The following MCOLN2 variants were observed in gnomAD, a reference collection of about 807,000 sequenced individuals.
MCOLN2 encodes mucolipin-2.
A neutral mutation model predicts 67.5 loss-of-function variants in MCOLN2; 57 were observed. The ratio of observed to expected loss-of-function variants is 0.84; its 90% CI spans 0.68 to 1.05. The LOEUF (loss-of-function observed/expected upper bound fraction) is 1.05, where lower values mean the gene tolerates loss of function less well. Among genes scored for constraint, MCOLN2 ranks in the 50% least tolerant of loss-of-function variants. MCOLN2 has a pLI of 0.00. For missense variants in MCOLN2, 620 were observed against 678.8 expected (o/e 0.91, Z 0.96); for synonymous variants, 246 against 233.3 (o/e 1.05, Z -0.50).
At chr1:84,972,560 C>A (rs541897) in intron 1 of MCOLN2, among the ~76,000 whole-genome samples, 53,935 of 151,970 alleles carry the variant, frequency 0.35, 9,916 homozygotes, top group African/African-American at 0.44. Flanking sequence ...TGGTAAGAAA[C>A]CAGGAGGAAG....
intron 7 of MCOLN2, among the ~76,000 whole-genome samples, chr1:84,943,947 GA>G (rs1473351602): frequency 1.3e-5 from 2 of 152,164 alleles, no homozygotes; most frequent in Non-Finnish European, 2.9e-5. Flanking sequence ...CATAATGCAA[GA>G]TTTTTTTTCC....
chr1:84,927,031 G>A (rs547734953), intron 13 of MCOLN2, among the ~76,000 whole-genome samples: 1 of 151,804 alleles, frequency 6.6e-6, no homozygotes, highest in Admixed American at 6.6e-5. Flanking sequence ...ATCGCACACG[G>A]GGAAATGTTG....
At chr1:84,965,497 A>G (rs564123833) in intron 2 of MCOLN2, 52 bp downstream of exon 2, 2 of 1,571,142 alleles carry the variant, frequency 1.3e-6, no homozygotes, top group African/African-American at 1.4e-5. Context: ...ACATGAAAAG[A>G]GTTTTGTCTT....
intron 1 of MCOLN2, among the ~76,000 whole-genome samples, chr1:84,976,293 T>TAA (rs35043276): frequency 1.3e-4 from 19 of 151,672 alleles, no homozygotes; most frequent in African/African-American, 3.9e-4. Context: ...AGCAGCAAGA[T>TAA]AAAAAAACAA....
chr1:84,984,090 C>T (rs959238491), intron 1 of MCOLN2, among the ~76,000 whole-genome samples: 1 of 152,194 alleles, frequency 6.6e-6, no homozygotes, highest in Admixed American at 6.5e-5. Flanking sequence ...CCCCAACATA[C>T]ATTTCACCTC....
intron 8 of MCOLN2, 93 bp from the exon 9 acceptor site, chr1:84,939,795 G>A: frequency 7.4e-7 from 1 of 1,358,688 alleles, no homozygotes; most frequent in Non-Finnish European, 1.0e-6. Flanking sequence ...ACCTGTAAAA[G>A]GACATGGCAT....
intron 7 of MCOLN2, among the ~76,000 whole-genome samples, chr1:84,944,561 AC>A (rs1647987222): frequency 6.6e-6 from 1 of 152,034 alleles, no homozygotes; most frequent in African/African-American, 2.4e-5. Flanking sequence ...AAGAAAAAAA[AC>A]ATCTATATCA....
At chr1:84,986,720 A>C (rs1479840777) in intron 1 of MCOLN2, among the ~76,000 whole-genome samples, 1 of 152,078 alleles carries the variant, frequency 6.6e-6, no homozygotes, top group Non-Finnish European at 1.5e-5. Flanking sequence ...CGTGGGCTAA[A>C]GACATGAATA....
chr1:84,946,998 T>C (rs1648146968), intron 7 of MCOLN2, 35 bp downstream of exon 7: 2 of 989,528 alleles, frequency 2.0e-6, no homozygotes, highest in Non-Finnish European at 3.2e-6. Context: ...AAAAATCATC[T>C]ATAATTCCCA....
intron 7 of MCOLN2, 106 bp from the exon 8 acceptor site, chr1:84,941,097 A>G (rs1370700999): frequency 2.7e-5 from 19 of 705,636 alleles, no homozygotes; most frequent in Non-Finnish European, 4.5e-5. Context: ...TGTTTTGTCT[A>G]TTGTTAAAAC....
intron 1 of MCOLN2, among the ~76,000 whole-genome samples, chr1:84,991,856 G>A (rs184208522): frequency 1.3e-5 from 2 of 152,206 alleles, no homozygotes; most frequent in Non-Finnish European, 1.5e-5. Context: ...TAAAGAAAGG[G>A]AAACTCCATT....
chr1:84,952,989 T>C lies in MCOLN2; in HGVS notation c.566-459A>G, dbSNP rs999129474. 3.3e-5 allele frequency among the ~76,000 whole-genome samples: 5 copies of C among 152,264 alleles called. No homozygotes were observed. In the East Asian group the frequency reaches 9.6e-4, roughly 29 times the overall value. ...AACATGACAACTAAATGCCAGATGT[T>C]ATCCTGAATAGGATCTTGGAGTTGG... On this transcript the variant is annotated intron_variant, in intron 4 of 13. Coordinates refer to ENST00000370608, the MANE Select transcript of MCOLN2 (RefSeq NM_153259.4).
Position 84,997,046 on chromosome 1 carries a change from C to A in MCOLN2, c.-174G>T. On this transcript the variant is annotated 5_prime_UTR_variant, in exon 1 of 14. Transcript: ENST00000370608. Reference sequence around the variant, plus strand: ...CGCGTGGTGCGCGCAGACCCCGGCCCGAGAGCAGGCGCCGCAGTCGTGGAG... The same window carrying A: ...CGCGTGGTGCGCGCAGACCCCGGCCAGAGAGCAGGCGCCGCAGTCGTGGAG... 1 of 612,552 alleles carries A rather than the reference C, an allele frequency of 1.6e-6. No individual in the cohort carries two copies. Among genetic ancestry groups the A allele is most frequent in the South Asian group, 2.0e-5 (1 of 50,192 alleles). The allele number at this position is 612,552 out of a possible 1,614,324, so 37.9% of individuals were successfully genotyped here.
At chr1:84,951,208 C>T (rs958183646) in intron 6 of MCOLN2, among the ~76,000 whole-genome samples, 4 of 152,210 alleles carry the variant, frequency 2.6e-5, no homozygotes, top group African/African-American at 7.2e-5. Context: ...TTCCTGAGGG[C>T]CACTGTGCCT....
At chr1:84,963,891 A>G (rs1649232756) in intron 2 of MCOLN2, among the ~76,000 whole-genome samples, 1 of 152,228 alleles carries the variant, frequency 6.6e-6, no homozygotes, top group African/African-American at 2.4e-5. Flanking sequence ...GATGGCAATG[A>G]TATTTTATGC....
chr1:84,993,985 ATGTTG>A (rs1651023156), intron 1 of MCOLN2, among the ~76,000 whole-genome samples: 1 of 152,208 alleles, frequency 6.6e-6, no homozygotes, highest in Non-Finnish European at 1.5e-5. Flanking sequence ...TGCAGAATGG[ATGTTG>A]TGTTAACATA....
At chr1:84,947,212 T>A (rs938932135) in intron 6 of MCOLN2, 80 bp from the exon 7 acceptor site, 12 of 760,110 alleles carry the variant, frequency 1.6e-5, no homozygotes, top group South Asian at 3.0e-5. Flanking sequence ...AAAAAAAAAA[T>A]CACTGGCATC....
chr1:84,986,266 C>T (rs564756902), intron 1 of MCOLN2, among the ~76,000 whole-genome samples: 3 of 152,072 alleles, frequency 2.0e-5, no homozygotes, highest in African/African-American at 4.8e-5. Context: ...CTGGGCCGGG[C>T]GTGGTAGTTC....
intron 11 of MCOLN2, 159 bp downstream of exon 11, chr1:84,937,596 G>T (rs1178227092): frequency 1.4e-6 from 2 of 1,409,930 alleles, no homozygotes; most frequent in Non-Finnish European, 1.9e-6. Context: ...TCTATATCCT[G>T]AAAAGGAAAA....
Sources: gnomAD v4.1 joint callset for allele counts (sites outside exome capture counted in the v4.1 genomes callset) on GRCh38, gnomAD v4.1.1 for gene constraint, MANE v1.5 for transcripts, NCBI Gene and HGNC (gene_info 2026-07-23, HGNC 2026-07-21) for gene names.